Variants in TTC29 observed in about 807,000 individuals in gnomAD.
TTC29 encodes tetratricopeptide repeat domain 29.
TTC29 carries 49 observed loss-of-function variants against 58.1 expected under a neutral mutation model. The ratio of observed to expected loss-of-function variants is 0.84; its 90% CI spans 0.67 to 1.07. TTC29 has a LOEUF of 1.07. Ranked by LOEUF, TTC29 falls within the 50% of genes least tolerant of loss-of-function variation. TTC29 has a pLI of 0.00. For synonymous variants in TTC29, 209 were observed against 196.8 expected, an observed-to-expected ratio of 1.06 and a Z score of -0.52; for missense variants, 582 against 555.6, an observed-to-expected ratio of 1.05 and a Z score of -0.48.
intron 10 of TTC29, among the ~76,000 whole-genome samples, chr4:146,816,038 T>G (rs1751381288): frequency 6.6e-6 from 1 of 152,192 alleles, no homozygotes; most frequent in Non-Finnish European, 1.5e-5. Flanking sequence ...TGTATTTAAT[T>G]CTCCGATTTT....
chr4:146,738,398 G>A (rs904105334), intron 11 of TTC29, among the ~76,000 whole-genome samples: 1 of 152,136 alleles, frequency 6.6e-6, no homozygotes, highest in African/African-American at 2.4e-5. Context: ...GACCACTCCT[G>A]CTTTTGGAGG....
chr4:146,922,196 A>G (rs1734639104), intron 4 of TTC29, among the ~76,000 whole-genome samples: 1 of 151,332 alleles, frequency 6.6e-6, no homozygotes. Context: ...ATTTAAGTGC[A>G]TTTTCTAAAA....
At chr4:146,830,901 G>A (rs1033306886) in intron 9 of TTC29, among the ~76,000 whole-genome samples, 7 of 152,178 alleles carry the variant, frequency 4.6e-5, no homozygotes, top group Non-Finnish European at 1.0e-4. Context: ...GAGTGGACTT[G>A]ATTTAATAAT....
chr4:146,842,432 C>T (rs1728906967), intron 8 of TTC29, among the ~76,000 whole-genome samples: 1 of 152,078 alleles, frequency 6.6e-6, no homozygotes, highest in African/African-American at 2.4e-5. Flanking sequence ...CCCCAAACCC[C>T]ACAGACTTAT....
At chr4:146,758,909 C>T (rs939465213) in intron 11 of TTC29, among the ~76,000 whole-genome samples, 1 of 151,954 alleles carries the variant, frequency 6.6e-6, no homozygotes, top group East Asian at 1.9e-4. Context: ...CGAACTGACA[C>T]TATAAGGTCA....
intron 10 of TTC29, among the ~76,000 whole-genome samples, chr4:146,818,151 A>T (rs1438174653): frequency 6.6e-6 from 1 of 152,366 alleles, no homozygotes; most frequent in East Asian, 1.9e-4. Flanking sequence ...CAGGCAACCT[A>T]CAAAATGGGA....
At chr4:146,804,132 G>A (rs1561140726) in intron 10 of TTC29, among the ~76,000 whole-genome samples, 4 of 152,150 alleles carry the variant, frequency 2.6e-5, no homozygotes, top group Admixed American at 1.3e-4. Flanking sequence ...CTTCACCTGG[G>A]AAGTGCAAGG....
intron 4 of TTC29, among the ~76,000 whole-genome samples, chr4:146,936,455 AGTT>A (rs1306503672): frequency 1.3e-5 from 2 of 152,180 alleles, no homozygotes; most frequent in African/African-American, 2.4e-5. Flanking sequence ...TTTAAGAAGT[AGTT>A]GTACTATAAT....
At chr4:146,876,507 A>G (rs569139946) in intron 6 of TTC29, among the ~76,000 whole-genome samples, 1 of 152,198 alleles carries the variant, frequency 6.6e-6, no homozygotes, top group African/African-American at 2.4e-5. Context: ...TGACTATTGC[A>G]TATAATTTCT....
rs142103669 is a variant in TTC29, at chr4:146,922,958, C to G, written c.177-13709G>C. Reference sequence around the variant, plus strand: ...ACCTACCTACCCCTTTTCCCCTGACCCCTACTCTCACCAAAGGAGAGAAAC... The same window carrying G: ...ACCTACCTACCCCTTTTCCCCTGACGCCTACTCTCACCAAAGGAGAGAAAC... On this transcript the variant is annotated intron_variant, in intron 4 of 12. Transcript: ENST00000325106. Among the ~76,000 whole-genome samples the G allele has an allele frequency of 1.2e-4, 18 of 151,838 alleles. No homozygotes were observed. In the East Asian group the frequency reaches 3.3e-3, roughly 28 times the overall value.
chr4:146,891,429 G>A (rs1732356604), intron 6 of TTC29, among the ~76,000 whole-genome samples: 1 of 151,860 alleles, frequency 6.6e-6, no homozygotes, highest in Admixed American at 6.6e-5. Flanking sequence ...AATTAGTGAT[G>A]GTGTTTACTT....
chr4:146,931,020 GA>G, intron 4 of TTC29, among the ~76,000 whole-genome samples: 1 of 152,080 alleles, frequency 6.6e-6, no homozygotes, highest in Non-Finnish European at 1.5e-5. Flanking sequence ...GTACATTTCT[GA>G]AAAGTTTTTA....
intron 11 of TTC29, among the ~76,000 whole-genome samples, chr4:146,753,286 A>G (rs1215894406): frequency 1.3e-5 from 2 of 152,216 alleles, no homozygotes; most frequent in Non-Finnish European, 2.9e-5. Context: ...ATGCAGCCAA[A>G]AAACACATGA....
At chr4:146,720,444 TA>T (rs1743273371) in intron 11 of TTC29, among the ~76,000 whole-genome samples, 1 of 152,170 alleles carries the variant, frequency 6.6e-6, no homozygotes, top group Non-Finnish European at 1.5e-5. Context: ...CCACTGTTGT[TA>T]ATTCATGGGG....
intron 11 of TTC29, among the ~76,000 whole-genome samples, chr4:146,753,918 G>T (rs555532623): frequency 1.7e-4 from 26 of 151,962 alleles, no homozygotes; most frequent in Non-Finnish European, 3.7e-4. Context: ...GTGGGGGAAG[G>T]GGGGAGGGAT....
At chr4:146,729,741 C>T (rs1214215739) in intron 11 of TTC29, among the ~76,000 whole-genome samples, 6 of 152,114 alleles carry the variant, frequency 3.9e-5, no homozygotes, top group African/African-American at 7.2e-5. Flanking sequence ...TAGAAGCAGG[C>T]ATGTCTTATA....
At chr4:146,740,408 G>T (rs1469710196) in intron 11 of TTC29, among the ~76,000 whole-genome samples, 2 of 152,030 alleles carry the variant, frequency 1.3e-5, no homozygotes, top group Non-Finnish European at 2.9e-5. Flanking sequence ...CAGGGAATGG[G>T]TTGAAAATAA....
At chr4:146,933,814 G>A (rs991098012) in intron 4 of TTC29, among the ~76,000 whole-genome samples, 1 of 152,142 alleles carries the variant, frequency 6.6e-6, no homozygotes, top group South Asian at 2.1e-4. Context: ...GCCTTTGAAC[G>A]ATTCTACCAT....
chr4:146,776,421 A>T (rs1472737539), intron 11 of TTC29, among the ~76,000 whole-genome samples: 1 of 148,252 alleles, frequency 6.7e-6, no homozygotes, highest in Non-Finnish European at 1.5e-5. Flanking sequence ...TCAATCTTTG[A>T]AGCTGCTGTC....
Sources: gnomAD v4.1 joint callset for allele counts (sites outside exome capture counted in the v4.1 genomes callset) on GRCh38, gnomAD v4.1.1 for gene constraint, MANE v1.5 for transcripts, NCBI Gene and HGNC (gene_info 2026-07-23, HGNC 2026-07-21) for gene names.